SLCO4A1: variants seen among roughly 807,000 people sequenced by gnomAD.
SLCO4A1 encodes the protein solute carrier organic anion transporter family member 4A1.
A neutral mutation model predicts 64.6 loss-of-function variants in SLCO4A1; 51 were observed. That is an observed-to-expected ratio of 0.79 (90% confidence interval 0.63 to 1.00). The LOEUF is 1.00. Ranked by LOEUF, SLCO4A1 falls within the 50% of genes least tolerant of loss-of-function variation. SLCO4A1 has a pLI of 0.00. For synonymous variants in SLCO4A1, 471 were observed against 444.9 expected (o/e 1.06, Z -0.74); for missense variants, 919 against 980.5 (o/e 0.94, Z 0.84).
Position 62,656,852 on chromosome 20 carries a change from G to A in SLCO4A1, c.398G>A (p.Arg133His), listed in dbSNP as rs534641240. The A allele has an allele frequency of 1.6e-5, 25 of 1,606,666 alleles. No homozygotes were observed. Among genetic ancestry groups the A allele is most frequent in the Admixed American group, 3.3e-5 (2 of 59,742 alleles). Residue 133 changes from arginine to histidine, a missense_variant, in exon 2 of 12, where the codon CGC becomes CAC. Coordinates refer to ENST00000217159, the MANE Select transcript of SLCO4A1 (RefSeq NM_016354.4). ...FINTVITSLE[R>H]RYDLHSYQSG... ...AACACAGTCATCACCTCCCTGGAGC[G>A]CCGCTATGACCTGCACAGCTACCAG...
downstream of SLCO4A1, among the ~76,000 whole-genome samples, chr20:62,687,041 CAGG>C (rs1988083560): frequency 7.5e-6 from 1 of 132,576 alleles, no homozygotes; most frequent in East Asian, 2.3e-4. Flanking sequence ...CACCCCCAAA[CAGG>C]AGCAATGGGA....
intron 1 of SLCO4A1, among the ~76,000 whole-genome samples, chr20:62,647,989 C>G (rs956580876): frequency 9.9e-5 from 15 of 152,234 alleles, no homozygotes; most frequent in African/African-American, 3.6e-4. Flanking sequence ...ACTCTGGCCC[C>G]CATGGCCTCC....
chr20:62,656,710 T>G lies in SLCO4A1; in HGVS notation c.256T>G (p.Cys86Gly). 1.2e-6 allele frequency: 2 copies of G among 1,610,616 alleles called. 1 individual carries two copies. The highest frequency in any genetic ancestry group is 2.2e-5 in the South Asian group (2 of 90,732). ...CGTCTCGGCCGGGCAGAGCGTGGCGTGCGGCTGGTGGGCCTTCGCACCGCC... is the reference window on the plus strand; with the variant it reads ...CGTCTCGGCCGGGCAGAGCGTGGCGGGCGGCTGGTGGGCCTTCGCACCGCC... ...RYVSAGQSVA[C>G]GWWAFAPPCL... The change falls in exon 2 of 12, where the codon TGC becomes GGC. Residue 86 changes from cysteine to glycine, a missense_variant. Cys to Gly is a radical substitution (Grantham distance 159). Transcript: ENST00000217159.
Position 62,656,440 on chromosome 20 carries a change from G to T in SLCO4A1, c.-15G>T. On this transcript the variant is annotated 5_prime_UTR_variant, in exon 2 of 12. In the 5' UTR this introduces an upstream ATG that the reference lacks. Coordinates refer to ENST00000217159, the MANE Select transcript of SLCO4A1 (RefSeq NM_016354.4). Reference sequence around the variant, plus strand: ...CGTGGCTGAAGCCTCGAGGTCACCAGGCGGAGGCGCGGAGATGCCCCTGCA... The same window carrying T: ...CGTGGCTGAAGCCTCGAGGTCACCATGCGGAGGCGCGGAGATGCCCCTGCA... The T allele has an allele frequency of 6.8e-7, 1 of 1,460,990 alleles. No homozygotes were observed. Among genetic ancestry groups the T allele is most frequent in the Non-Finnish European group, 9.0e-7 (1 of 1,106,400 alleles). The allele number at this position is 1,460,990 out of a possible 1,614,324, so 90.5% of individuals were successfully genotyped here. A position where few individuals can be genotyped will look rare whatever the true frequency, so the allele number is the denominator to read the frequency against.
At position 62,685,352 on chromosome 20, in the gene SLCO4A1, G is replaced by A. The variant is rs527406646; in HGVS notation, n.212-89G>A. On this transcript the variant is annotated intron_variant and non_coding_transcript_variant, in intron 2 of 2. Transcript: ENST00000466818. The surrounding 1 kb of genome is among the most constrained non-coding windows in gnomAD (Gnocchi z 4.6). Reference sequence around the variant, plus strand: ...CTGGTCGGTGCCCAAGGGTGGGTTCGTGGGGCAACTGCACCCGCTCCCTTC... The same window carrying A: ...CTGGTCGGTGCCCAAGGGTGGGTTCATGGGGCAACTGCACCCGCTCCCTTC... The A allele has an allele frequency of 4.2e-5, 29 of 694,096 alleles. No homozygotes were observed. In the South Asian group the frequency reaches 5.2e-4, roughly 12 times the overall value. The allele number at this position is 694,096 out of a possible 1,614,324, so 43.0% of individuals were successfully genotyped here. A position where few individuals can be genotyped will look rare whatever the true frequency, so the allele number is the denominator to read the frequency against.
intron 2 of SLCO4A1, among the ~76,000 whole-genome samples, chr20:62,658,093 C>A (rs6011452): frequency 0.22 from 33,503 of 152,170 alleles, 3,776 homozygotes; most frequent in African/African-American, 0.27. Context: ...TTGGCTCTCC[C>A]GGGAAGGGCA....
chr20:62,652,230 A>G (rs1273398213), intron 1 of SLCO4A1: 1 of 151,832 alleles, frequency 6.6e-6, no homozygotes. Flanking sequence ...GTGCGTGTGC[A>G]CGTGTTTGTG....
In SLCO4A1 at chr20:62,668,827, A is replaced by G. The variant is rs371760976; in HGVS notation, c.1877-103A>G. 8.6e-5 allele frequency: 107 copies of G among 1,237,152 alleles called. No individual in the cohort carries two copies. In the East Asian group the frequency reaches 2.2e-3, roughly 26 times the overall value. The allele number at this position is 1,237,152 out of a possible 1,614,324, so 76.6% of individuals were successfully genotyped here. A position where few individuals can be genotyped will look rare whatever the true frequency, so the allele number is the denominator to read the frequency against. ...CCCCCTGAGAACTCCAACGGCCAGTATCACCTTCCCAGAGCCCATCATTCC... is the reference window on the plus strand; with the variant it reads ...CCCCCTGAGAACTCCAACGGCCAGTGTCACCTTCCCAGAGCCCATCATTCC... On this transcript the variant is annotated intron_variant, in intron 10 of 11. Coordinates refer to ENST00000217159, the MANE Select transcript of SLCO4A1 (RefSeq NM_016354.4).
At position 62,660,476 on chromosome 20, in the gene SLCO4A1, G is replaced by T. The variant is rs756481285; in HGVS notation, c.952G>T (p.Gly318Trp). ...CTGGTGGGTCGGCTTCCTGGGCTCT[G>T]GGGCCGCTGCTTTCTTCACCGCCGT... is the stretch of plus-strand genomic sequence containing the variant. ...GAWWVGFLGSGAAAFFTAVPI... is the reference protein window; with the variant it reads ...GAWWVGFLGSWAAAFFTAVPI... The change falls in exon 4 of 12, where the codon GGG becomes TGG. Residue 318 changes from glycine (G) to tryptophan (W), a missense_variant. Gly to Trp is a radical substitution (Grantham distance 184). Coordinates refer to ENST00000217159, the MANE Select transcript of SLCO4A1 (RefSeq NM_016354.4). 3 of 1,603,812 alleles carry T rather than the reference G, an allele frequency of 1.9e-6. No individual in the cohort carries two copies. The highest frequency in any genetic ancestry group is 2.5e-6 in the Non-Finnish European group (3 of 1,179,916).
At position 62,656,654 on chromosome 20, in the gene SLCO4A1, A is replaced by C; in HGVS notation, c.200A>C (p.His67Pro). Residue 67 changes from histidine to proline, a missense_variant, in exon 2 of 12, where the codon CAT (histidine) becomes CCT (proline). Transcript: ENST00000217159. ...CTCTGCCAGCTCTGGGCCGAGAAGC[A>C]TGGCGCCCGGGGGACCCATGAGGTG... Reference protein sequence around the residue: ...QPLCQLWAEKHGARGTHEVRY... With the variant: ...QPLCQLWAEKPGARGTHEVRY... 4 of 1,604,258 alleles carry C rather than the reference A, an allele frequency of 2.5e-6. No homozygotes were observed. The highest frequency in any genetic ancestry group is 1.7e-4 in the Middle Eastern group (1 of 6,050).
In SLCO4A1 at chr20:62,645,452, G is replaced by T. The variant is rs73145457; in HGVS notation, c.-97+2899G>T. Among the ~76,000 whole-genome samples, 5,811 of 148,480 alleles carry T rather than the reference G, an allele frequency of 0.039. 160 individuals carry two copies. The highest frequency in any genetic ancestry group is 0.075 in the African/African-American group (3,015 of 40,212). On this transcript the variant is annotated intron_variant, in intron 1 of 11. Coordinates refer to ENST00000217159, the MANE Select transcript of SLCO4A1 (RefSeq NM_016354.4). This position sits in a 1 kb window ranked among gnomAD's most constrained non-coding sequence, Gnocchi z 4.2. ...CCTTCAGGCTACGGTGAGGGTGAGG[G>T]TGCGGGTGAGGATGAGGGTGCGGGT...
Position 62,667,823 on chromosome 20 carries a change from T to A in SLCO4A1, c.1551T>A (p.Pro517=), listed in dbSNP as rs199874664. 3 of 1,613,354 alleles carry A rather than the reference T, an allele frequency of 1.9e-6. No homozygotes were observed. The highest frequency in any genetic ancestry group is 2.5e-6 in the Non-Finnish European group (3 of 1,180,024). The change falls in exon 8 of 12, where the codon CCT becomes CCA. Residue 517 remains proline (P), a synonymous_variant. Coordinates refer to ENST00000217159, the MANE Select transcript of SLCO4A1 (RefSeq NM_016354.4). ...ACSCQPEHYS[P]VCGSDGLMYF... ...GCTGCCAGCCAGAACACTACAGCCC[T>A]GTGTGCGGCTCGGACGGCCTCATGT...
In SLCO4A1 at chr20:62,652,414, C is replaced by T. The variant is rs117143538; in HGVS notation, c.-96-3945C>T. On this transcript the variant is annotated intron_variant, in intron 1 of 11. Coordinates refer to ENST00000217159, the MANE Select transcript of SLCO4A1 (RefSeq NM_016354.4). ...CCTCTGAGGTTGCTTTCTGTTTCGG[C>T]GGCCGGCGGCCGGTGGAGCCCTTGC... Among the ~76,000 whole-genome samples, 568 of 151,940 alleles carry T rather than the reference C, an allele frequency of 3.7e-3. 3 individuals are homozygous for T. Among genetic ancestry groups the T allele is most frequent in the Non-Finnish European group, 6.3e-3 (428 of 68,018 alleles).
intron 1 of SLCO4A1, among the ~76,000 whole-genome samples, chr20:62,648,049 C>T (rs921909450): frequency 6.6e-6 from 1 of 152,260 alleles, no homozygotes; most frequent in East Asian, 1.9e-4. Context: ...CGCACGCATA[C>T]ACCCTCCCCA....
At chr20:62,683,365 C>T (rs1456174605) in intron 2 of SLCO4A1, among the ~76,000 whole-genome samples, 2 of 151,914 alleles carry the variant, frequency 1.3e-5, no homozygotes, top group Non-Finnish European at 2.9e-5. Context: ...CTGGAGGTGG[C>T]GAGGACGGGC....
chr20:62,690,366 G>A (rs576383174), downstream of SLCO4A1, among the ~76,000 whole-genome samples: 3 of 152,242 alleles, frequency 2.0e-5, no homozygotes, highest in South Asian at 2.1e-4. Context: ...CCTGCACAAG[G>A]TCACCATAGG....
chr20:62,686,990 ACG>A (rs1342887221), downstream of SLCO4A1, among the ~76,000 whole-genome samples: 244 of 137,986 alleles, frequency 1.8e-3, 1 homozygote, highest in African/African-American at 5.7e-3. Flanking sequence ...CCAAACAGGC[ACG>A]ATGGGAAGGG....
chr20:62,685,981 A>G (rs549071896), downstream of SLCO4A1, among the ~76,000 whole-genome samples: 1 of 152,142 alleles, frequency 6.6e-6, no homozygotes, highest in Non-Finnish European at 1.5e-5. This position sits in a 1 kb window ranked among gnomAD's most constrained non-coding sequence, Gnocchi z 4.6. Flanking sequence ...ATGACAGAAC[A>G]TACCATGATG....
intron 11 of SLCO4A1, among the ~76,000 whole-genome samples, chr20:62,669,719 G>A (rs1986969667): frequency 1.3e-5 from 2 of 152,186 alleles, no homozygotes; most frequent in South Asian, 2.1e-4. Flanking sequence ...GGATCTTGAC[G>A]CTCTTCCTTG....
Sources: gnomAD v4.1 joint callset for allele counts (sites outside exome capture counted in the v4.1 genomes callset) on GRCh38, gnomAD v4.1.1 for gene constraint, Gnocchi (gnomAD v3.1) non-coding constraint, MANE v1.5 for transcripts, NCBI Gene and HGNC (gene_info 2026-07-23, HGNC 2026-07-21) for gene names.